Variants in MSRB3 observed in about 807,000 individuals in gnomAD.
MSRB3 encodes the protein methionine sulfoxide reductase B3, also known as methionine-R-sulfoxide reductase B3.
In MSRB3, 13 loss-of-function variants were observed where a neutral mutation model predicts 21.0. The observed-to-expected ratio is 0.62, with a 90% CI of 0.40 to 0.98. The LOEUF (loss-of-function observed/expected upper bound fraction) is 0.98. MSRB3 is among the 50% of genes least tolerant of loss of function. The pLI, the probability that MSRB3 is intolerant of heterozygous loss-of-function variation, is 0.00. For missense variants in MSRB3, 199 were observed against 230.3 expected (o/e 0.86, Z 0.88); for synonymous variants, 87 against 88.6 (o/e 0.98, Z 0.10).
chr12:65,311,347 A>T (rs965485604), intron 2 of MSRB3, among the ~76,000 whole-genome samples: 4 of 152,170 alleles, frequency 2.6e-5, no homozygotes, highest in Non-Finnish European at 5.9e-5. Flanking sequence ...CTAGAATAGT[A>T]TTCCATAATT....
chr12:65,352,080 A>G (rs949204288), intron 4 of MSRB3, among the ~76,000 whole-genome samples: 1 of 151,720 alleles, frequency 6.6e-6, no homozygotes, highest in Non-Finnish European at 1.5e-5. Context: ...TACTGGCAAA[A>G]CGAATCCAGC....
At chr12:65,362,546 A>G (rs74099828) in intron 4 of MSRB3, among the ~76,000 whole-genome samples, 1 of 152,276 alleles carries the variant, frequency 6.6e-6, no homozygotes, top group African/African-American at 2.4e-5. Context: ...GTAGGCAATT[A>G]ATAGTGTCTG....
chr12:65,328,736 C>A, intron 4 of MSRB3, 133 bp downstream of exon 4: 2 of 710,034 alleles, frequency 2.8e-6, no homozygotes, highest in Non-Finnish European at 2.5e-6. Flanking sequence ...TTACCCCCAA[C>A]AAAACAAAAG....
chr12:65,351,855 T>G (rs1877021488), intron 4 of MSRB3, among the ~76,000 whole-genome samples: 1 of 151,990 alleles, frequency 6.6e-6, no homozygotes, highest in East Asian at 1.9e-4. Context: ...CAGGACCACA[T>G]GGATTCACAG....
chr12:65,420,023 TGC>T, intron 5 of MSRB3: 1 of 554,156 alleles, frequency 1.8e-6, no homozygotes, highest in Non-Finnish European at 3.6e-6. Flanking sequence ...GTGAAGCTCA[TGC>T]TGTCTGGGGA....
chr12:65,411,999 C>G (rs1056643568), intron 5 of MSRB3, among the ~76,000 whole-genome samples: 1 of 152,084 alleles, frequency 6.6e-6, no homozygotes, highest in Non-Finnish European at 1.5e-5. Flanking sequence ...ATAGCTTACT[C>G]AAGATCTCAT....
At chr12:65,369,648 G>A (rs1878210942) in intron 5 of MSRB3, among the ~76,000 whole-genome samples, 1 of 152,102 alleles carries the variant, frequency 6.6e-6, no homozygotes, top group Non-Finnish European at 1.5e-5. Context: ...GTTTGACTAT[G>A]TCATTATGTC....
intron 5 of MSRB3, among the ~76,000 whole-genome samples, chr12:65,379,057 T>C (rs999024117): frequency 6.6e-6 from 1 of 152,234 alleles, no homozygotes; most frequent in Non-Finnish European, 1.5e-5. Flanking sequence ...ATTGAATGTT[T>C]AGTTTTATGA....
intron 4 of MSRB3, among the ~76,000 whole-genome samples, chr12:65,358,675 T>C (rs965755536): frequency 6.6e-6 from 1 of 151,986 alleles, no homozygotes; most frequent in African/African-American, 2.4e-5. Flanking sequence ...GTTTTCTTTA[T>C]TAGAGAGTAG....
chr12:65,279,965 G>A (rs1363931022), intron 1 of MSRB3, among the ~76,000 whole-genome samples: 1 of 152,126 alleles, frequency 6.6e-6, no homozygotes, highest in Non-Finnish European at 1.5e-5. Context: ...AGACTAAATT[G>A]TCAAATAAGA....
At chr12:65,327,260 C>G (rs940752777) in intron 3 of MSRB3, among the ~76,000 whole-genome samples, 2 of 152,196 alleles carry the variant, frequency 1.3e-5, no homozygotes, top group Non-Finnish European at 2.9e-5. Context: ...TAAGCAAAAC[C>G]ATGAGGGACT....
At chr12:65,422,072 G>T (rs990429570) in intron 5 of MSRB3, among the ~76,000 whole-genome samples, 1 of 152,016 alleles carries the variant, frequency 6.6e-6, no homozygotes, top group African/African-American at 2.4e-5. Context: ...AAAAGCAGGG[G>T]TTGCAATCCT....
At chr12:65,299,358 G>A (rs887605545) in intron 1 of MSRB3, among the ~76,000 whole-genome samples, 1 of 152,202 alleles carries the variant, frequency 6.6e-6, no homozygotes, top group Non-Finnish European at 1.5e-5. Context: ...CTAGTCCAAG[G>A]TTGGGCTGGT....
At chr12:65,296,356 C>G (rs532920374) in intron 1 of MSRB3, among the ~76,000 whole-genome samples, 1 of 152,190 alleles carries the variant, frequency 6.6e-6, no homozygotes, top group Non-Finnish European at 1.5e-5. Context: ...TTTTAAACTT[C>G]GTCTTACTTT....
intron 2 of MSRB3, among the ~76,000 whole-genome samples, chr12:65,310,933 T>C (rs1592512181): frequency 6.6e-6 from 1 of 152,172 alleles, no homozygotes; most frequent in Non-Finnish European, 1.5e-5. Context: ...TTAAATAGAT[T>C]GGGATGTGAA....
chr12:65,447,722 A>C (rs1260675569), intron 5 of MSRB3, among the ~76,000 whole-genome samples: 2 of 152,224 alleles, frequency 1.3e-5, no homozygotes, highest in East Asian at 3.8e-4. Flanking sequence ...TGTAATCGTT[A>C]GAGAAAGATG....
At chr12:65,445,347 T>G (rs891653969) in intron 5 of MSRB3, among the ~76,000 whole-genome samples, 1 of 151,064 alleles carries the variant, frequency 6.6e-6, no homozygotes, top group African/African-American at 2.4e-5. Flanking sequence ...CAGAACCATT[T>G]TTCTAAAATA....
chr12:65,370,828 A>T (rs957930764), intron 5 of MSRB3, among the ~76,000 whole-genome samples: 1 of 152,206 alleles, frequency 6.6e-6, no homozygotes, highest in Non-Finnish European at 1.5e-5. Flanking sequence ...GAAAAGTCTT[A>T]AAGGGGAATA....
chr12:65,375,477 G>C (rs1296207749), intron 5 of MSRB3, among the ~76,000 whole-genome samples: 5 of 151,888 alleles, frequency 3.3e-5, no homozygotes, highest in African/African-American at 1.2e-4. Context: ...GGTCTCTATT[G>C]CCCAGGCTGG....
Sources: gnomAD v4.1 joint callset for allele counts (sites outside exome capture counted in the v4.1 genomes callset) on GRCh38, gnomAD v4.1.1 for gene constraint, MANE v1.5 for transcripts, NCBI Gene and HGNC (gene_info 2026-07-23, HGNC 2026-07-21) for gene names.